CEP152: variants seen among roughly 807,000 people sequenced by gnomAD.
The protein encoded by CEP152 is centrosomal protein 152, also known as centrosomal protein of 152 kDa.
CEP152 carries 132 observed loss-of-function variants against 188.9 expected under a neutral mutation model. The ratio of observed to expected loss-of-function variants is 0.70; its 90% CI spans 0.61 to 0.81. CEP152 has a LOEUF of 0.81. CEP152 is among the 30% of genes least tolerant of loss of function. The pLI is 0.00. For missense variants in CEP152, 1,914 were observed against 1,969.8 expected (o/e 0.97, Z 0.54); for synonymous variants, 649 against 666.6 (o/e 0.97, Z 0.41).
At chr15:48,736,091 A>G (rs1413890685), downstream of CEP152, among the ~76,000 whole-genome samples, 1 of 152,218 alleles carries the variant, frequency 6.6e-6, no homozygotes, top group Non-Finnish European at 1.5e-5. Context: ...CTGACTAAAG[A>G]AAAAATGGAA....
At chr15:48,746,593 A>C (rs1284874234) in intron 22 of CEP152, among the ~76,000 whole-genome samples, 2 of 152,160 alleles carry the variant, frequency 1.3e-5, no homozygotes, top group East Asian at 3.8e-4. Flanking sequence ...TCTTAGTAAT[A>C]AGTACTAAGA....
chr15:48,744,333 C>T lies in CEP152; in HGVS notation c.3742G>A (p.Ala1248Thr), dbSNP rs761611682. 2 of 1,614,006 alleles carry T rather than the reference C, an allele frequency of 1.2e-6. No individual in the cohort carries two copies. The change falls in exon 24 of 27, where the codon GCA becomes ACA. Residue 1248 changes from alanine to threonine, a missense_variant. By Grantham distance (58) the Ala-to-Thr change is moderately conservative. Coordinates refer to ENST00000380950, the MANE Select transcript of CEP152 (RefSeq NM_001194998.2). ...AGGCAAGCATTTTCAATGGCCCCTG[C>T]TGACAATGACCTAAAAAACAAACCA... is the stretch of plus-strand genomic sequence containing the variant. ...LCKTPPRSLSAGAIENACLPC... is the reference protein window; with the variant it reads ...LCKTPPRSLSTGAIENACLPC...
At chr15:48,807,039 T>G (rs892716236) in intron 1 of CEP152, among the ~76,000 whole-genome samples, 2 of 152,190 alleles carry the variant, frequency 1.3e-5, no homozygotes, top group Non-Finnish European at 2.9e-5. Context: ...TAATTTGCAG[T>G]CTACCTTCTA....
rs780613525 is a variant in CEP152, at chr15:48,756,520, A to G, written c.2728T>C (p.Trp910Arg). 5.6e-6 allele frequency: 9 copies of G among 1,608,692 alleles called. No homozygotes were observed. In the South Asian group the frequency reaches 9.9e-5, roughly 18 times the overall value. Residue 910 changes from tryptophan (W) to arginine (R), a missense_variant, in exon 20 of 27, where the codon TGG becomes CGG. Transcript: ENST00000380950. ...CTCATATTTTCAAGCTCACTCTTCC[A>G]TTTCTCTTTAGCTTCAGAAACAGCA... ...SFAVSEAKEK[W>R]KSELENMRKN...
intron 22 of CEP152, among the ~76,000 whole-genome samples, chr15:48,745,839 T>G (rs1469419070): frequency 1.3e-5 from 2 of 152,192 alleles, no homozygotes; most frequent in Admixed American, 1.3e-4. Flanking sequence ...AATTAACCTT[T>G]CTGAACTTTT....
intron 3 of CEP152, 22 bp from the exon 4 acceptor site, chr15:48,797,752 C>G (rs780609700): frequency 1.1e-5 from 17 of 1,610,852 alleles, no homozygotes; most frequent in Non-Finnish European, 1.4e-5. Context: ...GGAATACTTT[C>G]GATTTAAAGC....
rs770008695 is a variant in CEP152 at position 48,738,743 on chromosome 15, C to A, written c.4639G>T (p.Ala1547Ser). 6.2e-7 allele frequency: 1 copy of A among 1,614,206 alleles called. No homozygotes were observed. The highest frequency in any genetic ancestry group is 1.1e-5 in the South Asian group (1 of 91,088). Residue 1547 changes from alanine to serine, a missense_variant, in exon 27 of 27, where the codon GCT becomes TCT. Ala to Ser is a moderately conservative substitution (Grantham distance 99). Transcript: ENST00000380950. ...KCNPLMESEN[A>S]ASEKSQGLDV... ...AAACCTTGACTTTTCTCAGATGCAG[C>A]ATTTTCACTTTCCATTAGTGGATTG...
intron 1 of CEP152, among the ~76,000 whole-genome samples, chr15:48,808,796 T>C (rs947586244): frequency 2.0e-5 from 3 of 152,206 alleles, no homozygotes; most frequent in African/African-American, 7.2e-5. Context: ...TAAAATTATT[T>C]TGAATTAATT....
chr15:48,732,442 C>A (rs776771828), intron 2 of CEP152, among the ~76,000 whole-genome samples: 1 of 151,936 alleles, frequency 6.6e-6, no homozygotes, highest in African/African-American at 2.4e-5. Context: ...GAACAGGAAA[C>A]AAAACACTGC....
At position 48,738,428 on chromosome 15, in the gene CEP152, T is replaced by C; in HGVS notation, c.4954A>G (p.Ile1652Val). Residue 1652 changes from isoleucine to valine, a missense_variant, in exon 27 of 27, where the codon ATC becomes GTC. Coordinates refer to ENST00000380950, the MANE Select transcript of CEP152 (RefSeq NM_001194998.2). ...EETTYLEPGK[I>V]SVNCGHPSRH... ...GATGGGTGTCCACAATTCACACTGA[T>C]CTTTCCTGGCTCCAAATACGTGGTT... The C allele has an allele frequency of 6.2e-7, 1 of 1,614,196 alleles. No individual in the cohort carries two copies. The highest frequency in any genetic ancestry group is 8.5e-7 in the Non-Finnish European group (1 of 1,180,010).
intron 12 of CEP152, 129 bp downstream of exon 12, chr15:48,781,067 G>A: frequency 1.3e-6 from 1 of 788,292 alleles, no homozygotes; most frequent in Non-Finnish European, 2.1e-6. Context: ...ATAAATGCAA[G>A]GTATCTGCAT....
intron 2 of CEP152, among the ~76,000 whole-genome samples, chr15:48,800,470 G>T (rs1897602864): frequency 6.6e-6 from 1 of 151,962 alleles, no homozygotes; most frequent in Non-Finnish European, 1.5e-5. Flanking sequence ...TTGTCAAATT[G>T]CCCTTTGGTC....
Position 48,739,245 on chromosome 15 carries a change from T to C in CEP152, c.4137A>G (p.Ser1379=). 2 of 1,613,524 alleles carry C rather than the reference T, an allele frequency of 1.2e-6. No homozygotes were observed. Among genetic ancestry groups the C allele is most frequent in the Non-Finnish European group, 1.7e-6 (2 of 1,179,874 alleles). The part of the protein sequence containing the change: ...TSEMLIAVKK[S]KRNDVNQKIP... ...TTTTCTGATTCACATCATTTCTTTT[T>C]GATTTTTTAACTGCAATCAGCATCT... The change falls in exon 27 of 27, where the codon TCA becomes TCG. Residue 1379 remains serine, a synonymous_variant. Coordinates refer to ENST00000380950, the MANE Select transcript of CEP152 (RefSeq NM_001194998.2).
At chr15:48,765,705 G>C (rs1161625449) in intron 17 of CEP152, 1 of 364,122 alleles carries the variant, frequency 2.7e-6, no homozygotes, top group Admixed American at 4.0e-5. Context: ...CCAGGCTGGA[G>C]TGCAGTGGCG....
At position 48,797,541 on chromosome 15, in the gene CEP152, T is replaced by A. The variant is rs576905317; in HGVS notation, c.300A>T (p.Lys100Asn). Residue 100 changes from lysine to asparagine, a missense_variant, in exon 5 of 27, where the codon AAA (lysine) becomes AAT (asparagine). Coordinates refer to ENST00000380950, the MANE Select transcript of CEP152 (RefSeq NM_001194998.2). ...NEIQSLYAGE[K>N]CGNVWEENRS... ...TATTTTCTTCCCAGACATTACCACA[T>A]TTTTCTCCAGCATATAAACTCTGAA... is the stretch of plus-strand genomic sequence containing the variant. The A allele has an allele frequency of 6.2e-7, 1 of 1,614,072 alleles. No individual in the cohort carries two copies. Among genetic ancestry groups the A allele is most frequent in the South Asian group, 1.1e-5 (1 of 91,084 alleles).
chr15:48,800,764 A>G (rs1047985828), intron 2 of CEP152, among the ~76,000 whole-genome samples: 5 of 152,224 alleles, frequency 3.3e-5, no homozygotes, highest in Non-Finnish European at 5.9e-5. Context: ...TGTAAGAAAG[A>G]TAATTTGCCA....
Position 48,739,193 on chromosome 15 carries a change from T to C in CEP152, c.4189A>G (p.Asn1397Asp). The change falls in exon 27 of 27, where the codon AAT (asparagine) becomes GAT (aspartate). Residue 1397 changes from asparagine (N) to aspartate (D), a missense_variant. Physicochemically the swap from Asn to Asp is conservative, Grantham distance 23. Coordinates refer to ENST00000380950, the MANE Select transcript of CEP152 (RefSeq NM_001194998.2). ...GTTCTGGTGATGGTGTTTACACTATTTGATTTGCTTTCAATACAACATGGT... is the reference window on the plus strand; with the variant it reads ...GTTCTGGTGATGGTGTTTACACTATCTGATTTGCTTTCAATACAACATGGT... Reference protein sequence around the residue: ...KIPCCIESKSNSVNTITRTLC... With the variant: ...KIPCCIESKSDSVNTITRTLC... 1 of 1,613,744 alleles carries C rather than the reference T, an allele frequency of 6.2e-7. No individual in the cohort carries two copies. The highest frequency in any genetic ancestry group is 8.5e-7 in the Non-Finnish European group (1 of 1,179,896).
At chr15:48,748,331 T>C (rs548881094) in intron 22 of CEP152, 112 bp downstream of exon 22, 1 of 1,308,508 alleles carries the variant, frequency 7.6e-7, no homozygotes, top group East Asian at 2.9e-5. Context: ...AATTAGTTTA[T>C]ATTAATCCCA....
At chr15:48,801,206 T>C (rs552997007) in intron 2 of CEP152, among the ~76,000 whole-genome samples, 1 of 152,348 alleles carries the variant, frequency 6.6e-6, no homozygotes, top group South Asian at 2.1e-4. Context: ...TATTAAATAA[T>C]GCTTTCATGG....
Sources: allele counts gnomAD v4.1 joint callset (sites outside exome capture counted in the v4.1 genomes callset), GRCh38; gene constraint gnomAD v4.1.1; transcripts MANE v1.5; gene names NCBI Gene and HGNC (gene_info 2026-07-23, HGNC 2026-07-21).